The following SHISA9 variants were observed in gnomAD, a reference collection of about 807,000 sequenced individuals.
The protein encoded by SHISA9 is protein shisa-9.
In SHISA9, 13 loss-of-function variants were observed where a neutral mutation model predicts 38.0. The observed-to-expected ratio is 0.34, with a 90% confidence interval of 0.22 to 0.54. The LOEUF (loss-of-function observed/expected upper bound fraction) is 0.54. SHISA9 is among the 20% of genes least tolerant of loss of function. The pLI, the probability that SHISA9 is intolerant of heterozygous loss-of-function variation, is 0.91. For missense variants in SHISA9, 538 were observed against 575.8 expected (o/e 0.93, Z 0.67); for synonymous variants, 275 against 242.0 (o/e 1.14, Z -1.27).
chr16:13,023,732 T>A (rs1296882499), intron 2 of SHISA9, among the ~76,000 whole-genome samples: 1 of 152,244 alleles, frequency 6.6e-6, no homozygotes, highest in African/African-American at 2.4e-5. Flanking sequence ...TGAGATGGTA[T>A]CTCATTGCGG....
intron 2 of SHISA9, among the ~76,000 whole-genome samples, chr16:13,188,470 C>T (rs1303996270): frequency 2.0e-5 from 3 of 152,138 alleles, no homozygotes; most frequent in African/African-American, 7.2e-5. Flanking sequence ...GTAATCCCAG[C>T]ACTTTCAGAG....
intron 2 of SHISA9, among the ~76,000 whole-genome samples, chr16:13,113,733 T>G (rs73520678): frequency 0.027 from 4,172 of 152,284 alleles, 201 homozygotes; most frequent in African/African-American, 0.095. Context: ...GTTTGCCTTT[T>G]CTGGCTGTGT....
intron 2 of SHISA9, among the ~76,000 whole-genome samples, chr16:13,135,386 C>T (rs901075370): frequency 1.3e-5 from 2 of 151,854 alleles, no homozygotes; most frequent in African/African-American, 4.8e-5. Flanking sequence ...CTGCAACTAA[C>T]AGCTCCTTCA....
At chr16:13,553,961 T>C in the SHISA9 span, among the ~76,000 whole-genome samples, 1 of 152,120 alleles carries the variant, frequency 6.6e-6, no homozygotes, top group Non-Finnish European at 1.5e-5. Context: ...GGATTACAAA[T>C]AAAATCCTAT....
intron 2 of SHISA9, among the ~76,000 whole-genome samples, chr16:12,984,335 C>G (rs1211787284): frequency 6.6e-6 from 1 of 152,222 alleles, no homozygotes; most frequent in African/African-American, 2.4e-5. Flanking sequence ...TTGTGGAGGA[C>G]TTCACATTAA....
intron 2 of SHISA9, among the ~76,000 whole-genome samples, chr16:12,988,360 A>G (rs544228017): frequency 9.2e-5 from 14 of 152,124 alleles, no homozygotes; most frequent in Non-Finnish European, 1.5e-4. Context: ...TGGATTTTTC[A>G]TCTCTGTCTT....
At chr16:13,192,734 G>A (rs1158443225) in intron 2 of SHISA9, among the ~76,000 whole-genome samples, 1 of 152,084 alleles carries the variant, frequency 6.6e-6, no homozygotes, top group African/African-American at 2.4e-5. Context: ...AATTACCCGG[G>A]CGTGGTGGCA....
At chr16:13,242,242 T>A (rs957056355), downstream of SHISA9, among the ~76,000 whole-genome samples, 5 of 152,226 alleles carry the variant, frequency 3.3e-5, no homozygotes, top group African/African-American at 1.2e-4. Context: ...TGTCAATAGT[T>A]CTCACCTGGA....
chr16:13,399,851 C>T, the SHISA9 span, among the ~76,000 whole-genome samples: 5 of 152,176 alleles, frequency 3.3e-5, no homozygotes, highest in Non-Finnish European at 7.4e-5. Flanking sequence ...TTTTGCTGTC[C>T]CATGGACCAC....
At chr16:13,052,330 C>T (rs888363668) in intron 2 of SHISA9, among the ~76,000 whole-genome samples, 10 of 152,180 alleles carry the variant, frequency 6.6e-5, no homozygotes, top group Non-Finnish European at 1.3e-4. Flanking sequence ...TCTGTAATAA[C>T]TCTTGGTGAA....
the SHISA9 span, among the ~76,000 whole-genome samples, chr16:13,399,927 C>T: frequency 6.6e-6 from 1 of 152,174 alleles, no homozygotes; most frequent in African/African-American, 2.4e-5. Flanking sequence ...TCCATTTTGG[C>T]TGTTATGATG....
At chr16:13,525,265 C>T in the SHISA9 span, among the ~76,000 whole-genome samples, 5 of 152,214 alleles carry the variant, frequency 3.3e-5, no homozygotes, top group African/African-American at 9.6e-5. Context: ...ATTATTAATC[C>T]TGGAAAGGGA....
At chr16:13,453,029 C>G in the SHISA9 span, among the ~76,000 whole-genome samples, 1 of 151,970 alleles carries the variant, frequency 6.6e-6, no homozygotes, top group African/African-American at 2.4e-5. Flanking sequence ...CTACCTCAGC[C>G]TCCCGAGTAG....
At chr16:13,007,423 T>A (rs2072612493) in intron 2 of SHISA9, among the ~76,000 whole-genome samples, 1 of 152,122 alleles carries the variant, frequency 6.6e-6, no homozygotes, top group South Asian at 2.1e-4. Context: ...TTCCCCACCC[T>A]CTTTGCACAA....
Position 12,916,671 on chromosome 16 carries a change from A to C in SHISA9, c.564-17A>C. 6.5e-7 allele frequency: 1 copy of C among 1,546,586 alleles called. No individual in the cohort carries two copies. The highest frequency in any genetic ancestry group is 8.7e-7 in the Non-Finnish European group (1 of 1,145,222). On this transcript the variant is annotated splice_polypyrimidine_tract_variant and intron_variant, in intron 1 of 4. Transcript: ENST00000558583. ...TTGTGTTTTGAATGAACAGATTTAA[A>C]TTCTTTCTTCTTTCAGGGCCCTTGC...
intron 2 of SHISA9, among the ~76,000 whole-genome samples, chr16:13,102,229 A>G (rs917404543): frequency 3.4e-4 from 51 of 152,154 alleles, no homozygotes; most frequent in African/African-American, 1.2e-3. Context: ...TCTCTGATCA[A>G]TGATCAGTTA....
At chr16:13,497,419 C>T in the SHISA9 span, among the ~76,000 whole-genome samples, 2 of 152,112 alleles carry the variant, frequency 1.3e-5, no homozygotes, top group Admixed American at 1.3e-4. Context: ...GATGTGGTGG[C>T]TCACACCTGT....
rs146531975 is a variant in SHISA9 at position 13,201,753 on chromosome 16, G to A, written c.692-1641G>A. On this transcript the variant is annotated intron_variant, in intron 2 of 4. Transcript: ENST00000558583. ...CTGGTCTTTGGACTTCAGTGTCAGCGGGACATTGGTTGCTGACCACTTGAG... is the reference window on the plus strand; with the variant it reads ...CTGGTCTTTGGACTTCAGTGTCAGCAGGACATTGGTTGCTGACCACTTGAG... Among the ~76,000 whole-genome samples, 4 of 128,304 alleles carry A rather than the reference G, an allele frequency of 3.1e-5. 1 individual carries two copies. The highest frequency in any genetic ancestry group is 2.0e-4 in the East Asian group (1 of 4,916). 84.2% of individuals were successfully genotyped at this position (128,304 alleles called of 152,430 possible).
At chr16:12,987,782 C>A (rs1166387726) in intron 2 of SHISA9, among the ~76,000 whole-genome samples, 1 of 152,108 alleles carries the variant, frequency 6.6e-6, no homozygotes, top group East Asian at 1.9e-4. Context: ...ATTAGAGCTG[C>A]CATTTTGTTG....
Sources: gnomAD v4.1 joint callset for allele counts (sites outside exome capture counted in the v4.1 genomes callset) on GRCh38, gnomAD v4.1.1 for gene constraint, MANE v1.5 for transcripts, NCBI Gene and HGNC (gene_info 2026-07-23, HGNC 2026-07-21) for gene names.